KLC2: variants seen among roughly 807,000 people sequenced by gnomAD.
KLC2 encodes KLC 2.
Under a neutral mutation model 75.1 loss-of-function variants are expected in KLC2, and 35 were observed. The observed-to-expected ratio is 0.47, with a 90% CI of 0.36 to 0.62. KLC2 has a LOEUF of 0.62. Ranked by LOEUF, KLC2 falls within the 20% of genes least tolerant of loss-of-function variation. The probability of loss-of-function intolerance (pLI) is 0.00; values close to 1 mark genes in which losing one functional copy is unlikely to be tolerated. For missense variants in KLC2, 611 were observed against 833.2 expected, an observed-to-expected ratio of 0.73 and a Z score of 3.28; for synonymous variants, 314 against 336.7, an observed-to-expected ratio of 0.93 and a Z score of 0.74.
rs1410546217 is a variant in KLC2 at position 66,263,843 on chromosome 11, A to G, written c.841-8A>G. On this transcript the variant is annotated splice_polypyrimidine_tract_variant and splice_region_variant and intron_variant, in intron 6 of 15. Coordinates refer to ENST00000394067, the MANE Select transcript of KLC2 (RefSeq NM_001318734.2). ...TGAGTCAAGAAGCTTCCGTTCTCCC[A>G]CCTCCAGGTGGCTGCGACACTAAAC... is the stretch of plus-strand genomic sequence containing the variant. 6.2e-7 allele frequency: 1 copy of G among 1,613,356 alleles called. No homozygotes were observed. Among genetic ancestry groups the G allele is most frequent in the East Asian group, 2.2e-5 (1 of 44,852 alleles).
upstream of KLC2, among the ~76,000 whole-genome samples, chr11:66,256,092 A>G (rs1473338980): frequency 6.6e-6 from 1 of 152,044 alleles, no homozygotes; most frequent in African/African-American, 2.4e-5. Flanking sequence ...ATGTTGCACA[A>G]ATGAAAGTAT....
intron 2 of KLC2, 56 bp downstream of exon 2, chr11:66,258,878 G>T: frequency 8.2e-7 from 1 of 1,213,430 alleles, no homozygotes; most frequent in African/African-American, 1.5e-5. Context: ...GAGCCTTCAA[G>T]AGGAATCCGG....
At chr11:66,251,560 G>T in the KLC2 span, among the ~76,000 whole-genome samples, 2 of 136,456 alleles carry the variant, frequency 1.5e-5, 1 homozygote, top group Non-Finnish European at 3.4e-5. Flanking sequence ...ATCACCTGAG[G>T]TCAGGAGTTC....
chr11:66,266,638 G>A (rs1315803888), intron 15 of KLC2, 148 bp downstream of exon 15: 10 of 934,014 alleles, frequency 1.1e-5, no homozygotes, highest in Middle Eastern at 2.1e-4. Context: ...GGGGAGACAC[G>A]AGGGGAACCC....
upstream of KLC2, chr11:66,257,444 TCA>T (rs991671864): frequency 6.6e-6 from 1 of 152,282 alleles, no homozygotes; most frequent in African/African-American, 2.4e-5. Context: ...TCCCTGCGCC[TCA>T]GTTTCTCCCG....
chr11:66,261,717 A>C, intron 2 of KLC2, 25 bp from the exon 3 acceptor site: 1 of 1,554,110 alleles, frequency 6.4e-7, no homozygotes, highest in Non-Finnish European at 8.9e-7. Context: ...CAGGCCTCCG[A>C]CCCTTACCTG....
Position 66,265,241 on chromosome 11 carries a change from TGGGGC to T in KLC2, c.1334+12_1334+16del. On this transcript the variant is annotated splice_region_variant and intron_variant, in intron 11 of 15. Coordinates refer to ENST00000394067, the MANE Select transcript of KLC2 (RefSeq NM_001318734.2). ...AAGGCCTGTAAAGTAGACAGGTGAG[TGGGGC>T]GGGGCTGGGCTGGGGAGCAGGGCAC... 5 of 1,013,416 alleles carry T rather than the reference TGGGGC, an allele frequency of 4.9e-6. No individual in the cohort carries two copies. Among genetic ancestry groups the T allele is most frequent in the Non-Finnish European group, 4.5e-6 (3 of 664,556 alleles). The allele number at this position is 1,013,416 out of a possible 1,614,324, so 62.8% of individuals were successfully genotyped here. A position where few individuals can be genotyped will look rare whatever the true frequency, so the allele number is the denominator to read the frequency against.
chr11:66,260,692 G>A (rs988337349), intron 2 of KLC2, among the ~76,000 whole-genome samples: 1 of 152,102 alleles, frequency 6.6e-6, no homozygotes, highest in Non-Finnish European at 1.5e-5. Context: ...TGCCTCTCAG[G>A]TTCAAGTGAT....
At chr11:66,252,457 G>A (rs1439768812), upstream of KLC2, among the ~76,000 whole-genome samples, 1 of 85,348 alleles carries the variant, frequency 1.2e-5, no homozygotes, top group African/African-American at 3.4e-5. Flanking sequence ...TAGAGACGGG[G>A]TTTCACCATG....
the KLC2 span, among the ~76,000 whole-genome samples, chr11:66,251,566 A>G: frequency 6.8e-3 from 930 of 136,862 alleles, 142 homozygotes; most frequent in African/African-American, 0.02. Flanking sequence ...TGAGGTCAGG[A>G]GTTCGAAACC....
chr11:66,261,962 C>T lies in KLC2; in HGVS notation c.449C>T (p.Ala150Val). The T allele has an allele frequency of 6.2e-7, 1 of 1,613,818 alleles. No homozygotes were observed. Among genetic ancestry groups the T allele is most frequent in the Non-Finnish European group, 8.5e-7 (1 of 1,179,752 alleles). The change falls in exon 3 of 16, where the codon GCC (alanine) becomes GTC (valine). Residue 150 changes from alanine (A) to valine (V), a missense_variant. Transcript: ENST00000394067. Reference protein sequence around the residue: ...MSQIRKLDEDASPNEEKGDVP... With the variant: ...MSQIRKLDEDVSPNEEKGDVP... ...CAGATCCGCAAGTTGGATGAAGACG[C>T]CTCCCCTAACGTGAGCTCCTACCAT...
Position 66,265,255 on chromosome 11 carries a change from G to GGGGGGGGGC in KLC2, c.1334+20_1334+21insGGGGGGGGC. On this transcript the variant is annotated intron_variant, in intron 11 of 15. Coordinates refer to ENST00000394067, the MANE Select transcript of KLC2 (RefSeq NM_001318734.2). ...AGACAGGTGAGTGGGGCGGGGCTGGGCTGGGGAGCAGGGCACGGCAGGGCG... is the reference window on the plus strand; with the variant it reads ...AGACAGGTGAGTGGGGCGGGGCTGGGGGGGGGGGCCTGGGGAGCAGGGCACGGCAGGGCG... 6.6e-7 allele frequency: 1 copy of GGGGGGGGGC among 1,510,328 alleles called. No individual in the cohort carries two copies. Among genetic ancestry groups the GGGGGGGGGC allele is most frequent in the Non-Finnish European group, 9.2e-7 (1 of 1,085,294 alleles). The allele number at this position is 1,510,328 out of a possible 1,614,324, so 93.6% of individuals were successfully genotyped here. A position where few individuals can be genotyped will look rare whatever the true frequency, so the allele number is the denominator to read the frequency against.
chr11:66,266,109 T>A lies in KLC2; in HGVS notation c.1619T>A (p.Leu540Ter), dbSNP rs1401018170. ...CACCTGCAGGATGGCAGTGGCTCCT[T>A]GAGGCGCAGCGGTTCCTTTGGGAAA... ...AEWNGDGSGSLRRSGSFGKLR... is the reference protein window; with the variant it reads ...AEWNGDGSGS Residue 540 changes from leucine to a stop codon, truncating the protein, a stop_gained, in exon 14 of 16, where the codon TTG becomes TAG. Coordinates refer to ENST00000394067, the MANE Select transcript of KLC2 (RefSeq NM_001318734.2). LOFTEE classifies it high-confidence loss of function. The A allele has an allele frequency of 1.2e-6, 2 of 1,614,036 alleles. No individual in the cohort carries two copies. The highest frequency in any genetic ancestry group is 3.3e-5 in the Admixed American group (2 of 60,020).
chr11:66,259,032 C>A (rs774258850), intron 2 of KLC2, among the ~76,000 whole-genome samples: 11 of 152,210 alleles, frequency 7.2e-5, no homozygotes, highest in Non-Finnish European at 1.0e-4. Context: ...CTTGCCCCCA[C>A]GCAGAGCCCC....
Position 66,262,980 on chromosome 11 carries a change from A to G in KLC2, c.696A>G (p.Ser232=), listed in dbSNP as rs1255387539. The change falls in exon 5 of 16, where the codon TCA becomes TCG. Residue 232 remains serine, a synonymous_variant. Coordinates refer to ENST00000394067, the MANE Select transcript of KLC2 (RefSeq NM_001318734.2). ...KQALEDLEKT[S]GHDHPDVATM... ...CACTCGAAGACCTGGAGAAGACGTC[A>G]GGCCACGACCACCCTGACGTTGCCA... 6.2e-7 allele frequency: 1 copy of G among 1,614,094 alleles called. No homozygotes were observed. The highest frequency in any genetic ancestry group is 8.5e-7 in the Non-Finnish European group (1 of 1,179,984).
rs569837741 is a variant in KLC2 at position 66,264,640 on chromosome 11, C to T, written c.1216+196C>T. ...AGCACACACCCAACTCACGCAGCCC[C>T]CTTGGCCTGCTAGGGCCTCACACGC... On this transcript the variant is annotated intron_variant, in intron 9 of 15. Transcript: ENST00000394067. 5.0e-6 allele frequency: 3 copies of T among 605,516 alleles called. No homozygotes were observed. In the East Asian group the frequency reaches 8.3e-5, roughly 17 times the overall value. 37.5% of individuals were successfully genotyped at this position (605,516 alleles called of 1,614,324 possible). A position where few individuals can be genotyped will look rare whatever the true frequency, so the allele number is the denominator to read the frequency against.
At chr11:66,259,962 T>C (rs1425149563) in intron 2 of KLC2, 1 of 152,168 alleles carries the variant, frequency 6.6e-6, no homozygotes, top group Non-Finnish European at 1.5e-5. Flanking sequence ...CCTCCTTTAA[T>C]TGAGGCTGCC....
At chr11:66,256,449 G>A (rs1315924626), upstream of KLC2, among the ~76,000 whole-genome samples, 2 of 152,170 alleles carry the variant, frequency 1.3e-5, no homozygotes, top group African/African-American at 2.4e-5. Context: ...AATTAGCTAG[G>A]TGTGGTGGTG....
At position 66,266,463 on chromosome 11, in the gene KLC2, C is replaced by T; in HGVS notation, c.1758C>T (p.Leu586=). The T allele has an allele frequency of 6.2e-7, 1 of 1,613,096 alleles. No homozygotes were observed. The highest frequency in any genetic ancestry group is 1.1e-5 in the South Asian group (1 of 90,954). Residue 586 remains leucine (L), a synonymous_variant, in exon 15 of 16, where the codon CTC becomes CTT. Transcript: ENST00000394067. The stretch of plus-strand genomic sequence containing the variant: ...AGCGGGCCAGTTCCCTCAACTTCCT[C>T]AACAAGAGCGTGGAAGAGCCGACCC... The part of the protein sequence containing the change: ...RMKRASSLNF[L]NKSVEEPTQP...
Sources: gnomAD v4.1 joint callset for allele counts (sites outside exome capture counted in the v4.1 genomes callset) on GRCh38, gnomAD v4.1.1 for gene constraint, MANE v1.5 for transcripts, NCBI Gene and HGNC (gene_info 2026-07-23, HGNC 2026-07-21) for gene names.